The following SLC25A40 variants were observed in gnomAD, a reference collection of about 807,000 sequenced individuals.
SLC25A40 encodes the protein mitochondrial glutathione transporter SLC25A40.
SLC25A40 carries 41 observed loss-of-function variants against 46.5 expected under a neutral mutation model. The ratio of observed to expected loss-of-function variants is 0.88; its 90% CI spans 0.69 to 1.14. The LOEUF (loss-of-function observed/expected upper bound fraction) is 1.14. SLC25A40 is among the 50% of genes most tolerant of loss of function. The probability of loss-of-function intolerance (pLI) is 0.00; values close to 1 mark genes in which losing one functional copy is unlikely to be tolerated. For missense variants in SLC25A40, 386 were observed against 393.6 expected, an observed-to-expected ratio of 0.98 and a Z score of 0.16; for synonymous variants, 126 against 127.5, an observed-to-expected ratio of 0.99 and a Z score of 0.08.
At chr7:87,836,416 A>T (rs531765370) in intron 11 of SLC25A40, 55 bp from the exon 12 acceptor site, 10 of 1,132,066 alleles carry the variant, frequency 8.8e-6, no homozygotes, top group African/African-American at 3.3e-5. Flanking sequence ...CCTTATTTTT[A>T]AAAATATTAT....
rs1838221001 is a variant in SLC25A40, at chr7:87,833,651, A to T, written c.*2598T>A. The T allele has an allele frequency of 6.6e-6, 1 of 151,962 alleles. No homozygotes were observed. Among genetic ancestry groups the T allele is most frequent in the Non-Finnish European group, 1.5e-5 (1 of 67,918 alleles). The allele number at this position is 151,962 out of a possible 1,614,324, so 9.4% of individuals were successfully genotyped here. On this transcript the variant is annotated 3_prime_UTR_variant, in exon 12 of 12. Transcript: ENST00000341119. ...TACAATAAACTTTTCCATATCCCAA[A>T]AACTTGTGCCCAAGACAAAAAGAGG...
At chr7:87,840,173 A>C (rs1478485788) in intron 10 of SLC25A40, among the ~76,000 whole-genome samples, 4 of 151,798 alleles carry the variant, frequency 2.6e-5, no homozygotes, top group African/African-American at 9.7e-5. Context: ...TTAAATGAGG[A>C]AACATTAATT....
intron 1 of SLC25A40, among the ~76,000 whole-genome samples, chr7:87,868,402 T>G (rs993869879): frequency 1.3e-5 from 2 of 152,076 alleles, no homozygotes; most frequent in Non-Finnish European, 2.9e-5. Context: ...CACCTTGATA[T>G]CCTTCAATTT....
chr7:87,834,007 T>C lies in SLC25A40; in HGVS notation c.*2242A>G, dbSNP rs537819138. On this transcript the variant is annotated 3_prime_UTR_variant, in exon 12 of 12. Transcript: ENST00000341119. ...ATCTCATATTGAAAATTAAAGATGT[T>C]CCTTCCTAAAATTTTACATTAATCA... 6.6e-6 allele frequency: 1 copy of C among 152,092 alleles called. No individual in the cohort carries two copies. The highest frequency in any genetic ancestry group is 1.5e-5 in the Non-Finnish European group (1 of 67,908). The allele number at this position is 152,092 out of a possible 1,614,324, so 9.4% of individuals were successfully genotyped here. A position where few individuals can be genotyped will look rare whatever the true frequency, so the allele number is the denominator to read the frequency against.
intron 3 of SLC25A40, among the ~76,000 whole-genome samples, chr7:87,858,379 C>T (rs552998725): frequency 1.3e-3 from 204 of 152,202 alleles, no homozygotes; most frequent in Middle Eastern, 6.8e-3. Flanking sequence ...TCTTACACCC[C>T]CTCCCCTTTT....
chr7:87,869,109 C>T (rs1408052178), intron 1 of SLC25A40, among the ~76,000 whole-genome samples: 1 of 152,112 alleles, frequency 6.6e-6, no homozygotes, highest in East Asian at 1.9e-4. Context: ...CTGAAAGCTG[C>T]CTCATCCTAT....
chr7:87,866,816 C>G (rs545457820), intron 1 of SLC25A40, among the ~76,000 whole-genome samples: 1 of 152,332 alleles, frequency 6.6e-6, no homozygotes, highest in Admixed American at 6.5e-5. Context: ...TTCACAGAAA[C>G]CACCACTGCT....
intron 1 of SLC25A40, among the ~76,000 whole-genome samples, chr7:87,873,097 G>A (rs781567424): frequency 5.9e-5 from 9 of 152,120 alleles, no homozygotes; most frequent in Admixed American, 2.0e-4. Flanking sequence ...TTCAGAAGAC[G>A]ACATATCAAT....
chr7:87,860,342 AT>A (rs1838678388), intron 2 of SLC25A40, among the ~76,000 whole-genome samples: 2 of 151,938 alleles, frequency 1.3e-5, no homozygotes, highest in Non-Finnish European at 2.9e-5. Context: ...ATTACATATA[AT>A]TTTTTTTCTG....
At position 87,835,204 on chromosome 7, in the gene SLC25A40, AATG is replaced by A. The variant is rs1376417791; in HGVS notation, c.*1042_*1044del. ...TCTTATCTCATTCCTACATAGAATG[AATG>A]ATAAGCTAAATTATTTAGACATGTA... On this transcript the variant is annotated 3_prime_UTR_variant, in exon 12 of 12. Transcript: ENST00000341119. The A allele has an allele frequency of 6.6e-6, 1 of 151,632 alleles. No homozygotes were observed. Among genetic ancestry groups the A allele is most frequent in the Admixed American group, 6.6e-5 (1 of 15,146 alleles). 9.4% of individuals were successfully genotyped at this position (151,632 alleles called of 1,614,324 possible).
At chr7:87,867,238 A>C (rs1046492452) in intron 1 of SLC25A40, among the ~76,000 whole-genome samples, 1 of 152,138 alleles carries the variant, frequency 6.6e-6, no homozygotes, top group Non-Finnish European at 1.5e-5. Flanking sequence ...ATAATTCTTA[A>C]GATTTGGTCT....
At chr7:87,859,008 T>G (rs749810256) in intron 2 of SLC25A40, among the ~76,000 whole-genome samples, 2 of 152,196 alleles carry the variant, frequency 1.3e-5, no homozygotes, top group Non-Finnish European at 2.9e-5. Context: ...TGTATACCAG[T>G]AGTTGTTGTA....
chr7:87,873,638 G>A (rs570590930), intron 1 of SLC25A40, among the ~76,000 whole-genome samples: 1 of 151,818 alleles, frequency 6.6e-6, no homozygotes. Flanking sequence ...TCACCATGTT[G>A]GCCAGGCTGG....
At chr7:87,862,020 GA>G (rs911500090) in intron 1 of SLC25A40, among the ~76,000 whole-genome samples, 1 of 151,176 alleles carries the variant, frequency 6.6e-6, no homozygotes, top group Non-Finnish European at 1.5e-5. Flanking sequence ...CAAAAATAAT[GA>G]AAAAAAAGGC....
chr7:87,873,078 A>G (rs535478566), intron 1 of SLC25A40, among the ~76,000 whole-genome samples: 88 of 152,370 alleles, frequency 5.8e-4, no homozygotes, highest in African/African-American at 1.8e-3. Flanking sequence ...AAAATAGATC[A>G]GAACACATTT....
chr7:87,850,674 G>A (rs1258471561), intron 5 of SLC25A40, among the ~76,000 whole-genome samples: 1 of 151,876 alleles, frequency 6.6e-6, no homozygotes, highest in East Asian at 1.9e-4. Context: ...AGTCTGAGGT[G>A]GGAGGACTGC....
intron 5 of SLC25A40, among the ~76,000 whole-genome samples, chr7:87,853,702 T>G (rs1838555415): frequency 6.6e-6 from 1 of 152,240 alleles, no homozygotes; most frequent in South Asian, 2.1e-4. Flanking sequence ...TATGTCATGA[T>G]TCCATTTATA....
chr7:87,866,053 AG>A (rs1838792278), intron 1 of SLC25A40, among the ~76,000 whole-genome samples: 2 of 151,984 alleles, frequency 1.3e-5, no homozygotes, highest in Admixed American at 1.3e-4. Flanking sequence ...ACTGTACTCC[AG>A]CCGAGGCAAT....
intron 4 of SLC25A40, among the ~76,000 whole-genome samples, chr7:87,854,712 T>C (rs1309608173): frequency 6.8e-6 from 1 of 146,558 alleles, no homozygotes; most frequent in Non-Finnish European, 1.5e-5. Flanking sequence ...CTCGGGAGGC[T>C]GAGGCAGGAG....
Sources: gnomAD v4.1 joint callset for allele counts (sites outside exome capture counted in the v4.1 genomes callset) on GRCh38, gnomAD v4.1.1 for gene constraint, MANE v1.5 for transcripts, NCBI Gene and HGNC (gene_info 2026-07-23, HGNC 2026-07-21) for gene names.